MGAT4C: variants seen among roughly 807,000 people sequenced by gnomAD.
MGAT4C encodes the protein MGAT4 family member C, also known as alpha-1,3-mannosyl-glycoprotein 4-beta-N-acetylglucosaminyltransferase C.
Under a neutral mutation model 40.1 loss-of-function variants are expected in MGAT4C, and 19 were observed. The ratio of observed to expected loss-of-function variants is 0.47; its 90% CI spans 0.33 to 0.70. The LOEUF (loss-of-function observed/expected upper bound fraction) is 0.70, where lower values mean the gene tolerates loss of function less well. MGAT4C is among the 30% of genes least tolerant of loss of function. The pLI, the probability that MGAT4C is intolerant of heterozygous loss-of-function variation, is 0.02. For synonymous variants in MGAT4C, 181 were observed against 187.1 expected, an observed-to-expected ratio of 0.97 and a Z score of 0.27; for missense variants, 491 against 563.2, an observed-to-expected ratio of 0.87 and a Z score of 1.30.
At chr12:86,136,588 T>G (rs1881985592) in intron 1 of MGAT4C, among the ~76,000 whole-genome samples, 1 of 152,190 alleles carries the variant, frequency 6.6e-6, no homozygotes. Context: ...TCGTTATTCT[T>G]TAAGTGTTAT....
At chr12:86,749,640 A>C (rs747323376) in intron 1 of MGAT4C, among the ~76,000 whole-genome samples, 8 of 151,808 alleles carry the variant, frequency 5.3e-5, no homozygotes, top group Admixed American at 1.3e-4. Context: ...TTTTATGTTA[A>C]ACAACTTAAT....
chr12:85,984,108 A>G (rs774386894), intron 3 of MGAT4C, among the ~76,000 whole-genome samples: 56 of 152,200 alleles, frequency 3.7e-4, no homozygotes, highest in Admixed American at 5.9e-4. Flanking sequence ...AGCAGTCTCA[A>G]ATAAAAGATC....
At chr12:86,505,862 A>G (rs1234088400) in intron 2 of MGAT4C, among the ~76,000 whole-genome samples, 1 of 152,288 alleles carries the variant, frequency 6.6e-6, no homozygotes, top group Non-Finnish European at 1.5e-5. Context: ...CATCATTCTT[A>G]GGGAGAAACA....
At chr12:86,488,669 C>T (rs181423823) in intron 2 of MGAT4C, among the ~76,000 whole-genome samples, 39 of 152,144 alleles carry the variant, frequency 2.6e-4, no homozygotes, top group South Asian at 4.1e-4. Context: ...TATGAGGAAC[C>T]GTATTATTTC....
chr12:86,095,074 A>C (rs1873656818), intron 1 of MGAT4C, among the ~76,000 whole-genome samples: 1 of 152,160 alleles, frequency 6.6e-6, no homozygotes, highest in Non-Finnish European at 1.5e-5. Flanking sequence ...CTCAGATTTA[A>C]GAACAATACA....
chr12:86,594,086 A>C (rs1961438264), intron 2 of MGAT4C, among the ~76,000 whole-genome samples: 1 of 152,168 alleles, frequency 6.6e-6, no homozygotes, highest in South Asian at 2.1e-4. Flanking sequence ...ACTGTGTCCA[A>C]GGTAGATCGT....
chr12:86,732,862 C>T (rs1296585652), intron 1 of MGAT4C, among the ~76,000 whole-genome samples: 1 of 150,476 alleles, frequency 6.6e-6, no homozygotes, highest in Non-Finnish European at 1.5e-5. Context: ...AGCAGATTAA[C>T]CATTCAGCCA....
intron 2 of MGAT4C, among the ~76,000 whole-genome samples, chr12:86,608,516 G>A (rs1384349017): frequency 6.6e-6 from 1 of 152,080 alleles, no homozygotes; most frequent in Non-Finnish European, 1.5e-5. Context: ...AGTTTATGGT[G>A]AGCCATGATC....
At chr12:86,539,022 CT>C (rs933889531) in intron 2 of MGAT4C, among the ~76,000 whole-genome samples, 86 of 151,794 alleles carry the variant, frequency 5.7e-4, no homozygotes, top group African/African-American at 1.8e-3. Context: ...ATTCTAAAAA[CT>C]TTTTTTTAAT....
chr12:86,582,537 G>T (rs1960831055), intron 2 of MGAT4C, among the ~76,000 whole-genome samples: 1 of 151,346 alleles, frequency 6.6e-6, no homozygotes, highest in African/African-American at 2.4e-5. Context: ...GGGAACAGAA[G>T]TGTTACTGTA....
At position 86,681,061 on chromosome 12, in the gene MGAT4C, G is replaced by C. The variant is rs143260604; in HGVS notation, c.-229+46148C>G. Among the ~76,000 whole-genome samples the C allele has an allele frequency of 8.6e-3, 1,309 of 151,836 alleles. 7 individuals are homozygous for C. The highest frequency in any genetic ancestry group is 0.017 in the Middle Eastern group (5 of 294). ...TTACTTAAATAAAAATTATGAGAAA[G>C]GATCTATTACTCGTGGAAAATAAAA... On this transcript the variant is annotated intron_variant, in intron 2 of 7. Transcript: ENST00000548651.
chr12:85,996,913 A>G (rs182156382), intron 2 of MGAT4C, among the ~76,000 whole-genome samples: 1 of 152,364 alleles, frequency 6.6e-6, no homozygotes, highest in Admixed American at 6.5e-5. Context: ...CAAAACCAGT[A>G]AATGTCAAAA....
chr12:86,594,769 C>T (rs1961468924), intron 2 of MGAT4C, among the ~76,000 whole-genome samples: 1 of 152,158 alleles, frequency 6.6e-6, no homozygotes, highest in African/African-American at 2.4e-5. Context: ...TTATAGAAAA[C>T]ATAACTGAGA....
chr12:86,597,032 T>A (rs959844434), intron 2 of MGAT4C, among the ~76,000 whole-genome samples: 2 of 152,166 alleles, frequency 1.3e-5, no homozygotes, highest in Non-Finnish European at 2.9e-5. Flanking sequence ...TTTGTGGCAA[T>A]AAGATCTTAC....
intron 1 of MGAT4C, among the ~76,000 whole-genome samples, chr12:86,101,466 A>G (rs1417809588): frequency 1.3e-5 from 2 of 151,836 alleles, no homozygotes; most frequent in African/African-American, 2.4e-5. Flanking sequence ...GGGAGTTGAG[A>G]TAGTAAAGTA....
intron 2 of MGAT4C, among the ~76,000 whole-genome samples, chr12:86,688,157 C>CTTTTTTTTTTTTTTTTT (rs55637680): frequency 1.7e-4 from 11 of 65,232 alleles, no homozygotes; most frequent in African/African-American, 2.6e-4. Context: ...GCAACCCCTG[C>CTTTTTTTTTTTTTTTTT]TTTTTTTTTT....
chr12:86,661,219 G>A (rs1237390539), intron 2 of MGAT4C, among the ~76,000 whole-genome samples: 1 of 150,882 alleles, frequency 6.6e-6, no homozygotes, highest in Non-Finnish European at 1.5e-5. Context: ...AAAGGAAAAA[G>A]CCAAATAAAA....
At chr12:86,302,615 G>C (rs1190447393) in intron 4 of MGAT4C, among the ~76,000 whole-genome samples, 4 of 150,502 alleles carry the variant, frequency 2.7e-5, no homozygotes, top group Non-Finnish European at 5.9e-5. Flanking sequence ...TTTTAGTAGA[G>C]ACAGGGTTTC....
intron 2 of MGAT4C, among the ~76,000 whole-genome samples, chr12:86,466,165 C>A (rs926207943): frequency 1.3e-5 from 2 of 151,590 alleles, no homozygotes; most frequent in African/African-American, 2.4e-5. Context: ...GCAGAGATAG[C>A]GCCATTGCAC....
Sources: gnomAD v4.1 joint callset for allele counts (sites outside exome capture counted in the v4.1 genomes callset) on GRCh38, gnomAD v4.1.1 for gene constraint, MANE v1.5 for transcripts, NCBI Gene and HGNC (gene_info 2026-07-23, HGNC 2026-07-21) for gene names.